FCRL2: variants seen among roughly 807,000 people sequenced by gnomAD.
The protein encoded by FCRL2 is Fc receptor-like protein 2.
In FCRL2, 48 loss-of-function variants were observed where a neutral mutation model predicts 59.8. The ratio of observed to expected loss-of-function variants is 0.80; its 90% CI spans 0.64 to 1.02. The LOEUF (loss-of-function observed/expected upper bound fraction) is 1.02. Among genes scored for constraint, FCRL2 ranks in the 50% least tolerant of loss-of-function variants. The pLI, the probability that FCRL2 is intolerant of heterozygous loss-of-function variation, is 0.00. For missense variants in FCRL2, 658 were observed against 597.3 expected (o/e 1.10, Z -1.06); for synonymous variants, 251 against 229.5 (o/e 1.09, Z -0.85).
chr1:157,770,760 C>G (rs1649951534), intron 2 of FCRL2, 94 bp from the exon 3 acceptor site: 2 of 1,335,404 alleles, frequency 1.5e-6, no homozygotes, highest in Non-Finnish European at 2.1e-6. Context: ...ATAGCCTCTA[C>G]TTCTTTAAAC....
At chr1:157,752,480 T>C (rs776862939) in intron 7 of FCRL2, among the ~76,000 whole-genome samples, 1 of 152,168 alleles carries the variant, frequency 6.6e-6, no homozygotes, top group African/African-American at 2.4e-5. Flanking sequence ...CTGTCTCAGG[T>C]ATGTCTTTAT....
intron 10 of FCRL2, 116 bp from the exon 11 acceptor site, chr1:157,747,015 T>C: frequency 9.2e-7 from 1 of 1,089,816 alleles, no homozygotes; most frequent in Non-Finnish European, 1.3e-6. Flanking sequence ...TCCCATTTTC[T>C]CCTGTTCTGT....
At chr1:157,760,701 A>AGG (rs1198586848) in intron 7 of FCRL2, among the ~76,000 whole-genome samples, 16 of 76,614 alleles carry the variant, frequency 2.1e-4, no homozygotes, top group Non-Finnish European at 3.2e-4. Context: ...GAAAGAAGGA[A>AGG]AGAAAGAAAG....
At chr1:157,754,722 T>G (rs1288333646) in intron 7 of FCRL2, among the ~76,000 whole-genome samples, 1 of 152,172 alleles carries the variant, frequency 6.6e-6, no homozygotes, top group African/African-American at 2.4e-5. Context: ...TCCCAGTACT[T>G]AGAGAGGCCA....
intron 7 of FCRL2, among the ~76,000 whole-genome samples, chr1:157,756,954 AT>A (rs1298005172): frequency 6.6e-6 from 1 of 152,190 alleles, no homozygotes; most frequent in African/African-American, 2.4e-5. Context: ...AATCAATTAA[AT>A]TTTTTTAAAG....
Position 157,749,644 on chromosome 1 carries a change from T to C in FCRL2, c.1307+6A>G. ...AATTAAAATTTTTACTAGGAAGAGT[T>C]CTCACCTGGGTTCATTAGTGGCAGA... On this transcript the variant is annotated splice_donor_region_variant and intron_variant, in intron 8 of 11. Coordinates refer to ENST00000361516, the MANE Select transcript of FCRL2 (RefSeq NM_030764.4). 6.2e-7 allele frequency: 1 copy of C among 1,605,732 alleles called. No homozygotes were observed. Among genetic ancestry groups the C allele is most frequent in the Non-Finnish European group, 8.5e-7 (1 of 1,174,164 alleles).
rs1649884016 is a variant in FCRL2 at position 157,770,100 on chromosome 1, C to G, written c.361G>C (p.Gly121Arg). ...TCACATTTCAGGCTCACTGGACCCCCTTCGATGGGCTGGAAGGAGCTGGCA... is the reference window on the plus strand; with the variant it reads ...TCACATTTCAGGCTCACTGGACCCCGTTCGATGGGCTGGAAGGAGCTGGCA... ...LTASSFQPIE[G>R]GPVSLKCETR... The change falls in exon 4 of 12, where the codon GGG (glycine) becomes CGG (arginine). Residue 121 changes from glycine to arginine, a missense_variant. Gly to Arg is a moderately radical substitution (Grantham distance 125, BLOSUM62 -2). Coordinates refer to ENST00000361516, the MANE Select transcript of FCRL2 (RefSeq NM_030764.4). The G allele has an allele frequency of 6.2e-7, 1 of 1,614,172 alleles. No homozygotes were observed. Among genetic ancestry groups the G allele is most frequent in the Non-Finnish European group, 8.5e-7 (1 of 1,180,036 alleles).
chr1:157,749,709 G>T, intron 7 of FCRL2, 32 bp from the exon 8 acceptor site: 1 of 1,593,150 alleles, frequency 6.3e-7, no homozygotes, highest in South Asian at 1.1e-5. Context: ...ATTCATTTCA[G>T]AGAAGGAAGC....
intron 2 of FCRL2, among the ~76,000 whole-genome samples, chr1:157,775,397 T>C (rs1440923718): frequency 6.6e-6 from 1 of 152,232 alleles, no homozygotes; most frequent in Non-Finnish European, 1.5e-5. Context: ...CATTCCTCTA[T>C]AAATAGCTGT....
chr1:157,767,326 A>C lies in FCRL2; in HGVS notation c.1067T>G (p.Leu356Arg), dbSNP rs1649577805. Residue 356 changes from leucine (L) to arginine (R), a missense_variant, in exon 6 of 12, where the codon CTC (leucine) becomes CGC (arginine). By Grantham distance (102) the Leu-to-Arg change is moderately radical. Transcript: ENST00000361516. ...TCCAGAATGTTCTGCAGTCAAAGAG[A>C]GGTTGAAGGAGGCCCCTCCTCCAGA... is the stretch of plus-strand genomic sequence containing the variant. ...APSGGGASFN[L>R]SLTAEHSGNY... 1.9e-6 allele frequency: 3 copies of C among 1,614,018 alleles called. No individual in the cohort carries two copies. Among genetic ancestry groups the C allele is most frequent in the East Asian group, 4.5e-5 (2 of 44,884 alleles).
chr1:157,752,553 T>A (rs1021376431), intron 7 of FCRL2, among the ~76,000 whole-genome samples: 1 of 152,200 alleles, frequency 6.6e-6, no homozygotes, highest in African/African-American at 2.4e-5. Flanking sequence ...TGCCTGCGAT[T>A]TCAACCAGAG....
chr1:157,753,785 T>C (rs942738481), intron 7 of FCRL2, among the ~76,000 whole-genome samples: 9 of 152,256 alleles, frequency 5.9e-5, no homozygotes, highest in African/African-American at 1.4e-4. Context: ...AGCTCTCATA[T>C]TGAAGCTATC....
chr1:157,755,682 C>T (rs747835278), intron 7 of FCRL2, among the ~76,000 whole-genome samples: 1 of 152,050 alleles, frequency 6.6e-6, no homozygotes, highest in Non-Finnish European at 1.5e-5. Context: ...TTCTTTGCAA[C>T]CATTAAAAAG....
chr1:157,762,364 G>A (rs1557861685), intron 7 of FCRL2, among the ~76,000 whole-genome samples: 1 of 152,202 alleles, frequency 6.6e-6, no homozygotes, highest in Non-Finnish European at 1.5e-5. Flanking sequence ...AGGGGCCTGA[G>A]AATCCTTTCA....
At chr1:157,770,949 G>T (rs1449584104) in intron 2 of FCRL2, among the ~76,000 whole-genome samples, 3 of 152,182 alleles carry the variant, frequency 2.0e-5, no homozygotes, top group Admixed American at 1.3e-4. Flanking sequence ...TGCCAGCATT[G>T]TCAGGTTGTG....
intron 7 of FCRL2, among the ~76,000 whole-genome samples, chr1:157,755,740 T>G (rs1423222334): frequency 6.6e-6 from 1 of 152,198 alleles, no homozygotes; most frequent in Admixed American, 6.5e-5. Context: ...TCAAATAATA[T>G]TCATAGAAAA....
At chr1:157,762,373 C>T (rs1397519297) in intron 7 of FCRL2, among the ~76,000 whole-genome samples, 1 of 152,210 alleles carries the variant, frequency 6.6e-6, no homozygotes, top group Non-Finnish European at 1.5e-5. Flanking sequence ...AGAATCCTTT[C>T]ACCTGCCTGG....
At position 157,768,401 on chromosome 1, in the gene FCRL2, G is replaced by C. The variant is rs538657319; in HGVS notation, c.883+13C>G. ...GGGAATTTCTGGAAGATATGAATGA[G>C]AGTGTCACTCACTTCTCACAGGGAT... On this transcript the variant is annotated intron_variant, in intron 5 of 11. Transcript: ENST00000361516. 1.2e-6 allele frequency: 2 copies of C among 1,609,170 alleles called. No homozygotes were observed. Among genetic ancestry groups the C allele is most frequent in the African/African-American group, 2.7e-5 (2 of 74,976 alleles).
chr1:157,747,197 A>G (rs1647814304), intron 10 of FCRL2, among the ~76,000 whole-genome samples: 1 of 152,166 alleles, frequency 6.6e-6, no homozygotes, highest in African/African-American at 2.4e-5. Flanking sequence ...GCATTCTGTC[A>G]GGGCTGTTTC....
Sources: allele counts gnomAD v4.1 joint callset (sites outside exome capture counted in the v4.1 genomes callset), GRCh38; gene constraint gnomAD v4.1.1; transcripts MANE v1.5; gene names NCBI Gene and HGNC (gene_info 2026-07-23, HGNC 2026-07-21).